Variants in SHANK2 observed in about 807,000 individuals in gnomAD.
SHANK2 encodes SH3 and multiple ankyrin repeat domains protein 2.
Under a neutral mutation model 133.7 loss-of-function variants are expected in SHANK2, and 43 were observed. That is an observed-to-expected ratio of 0.32 (90% confidence interval 0.25 to 0.41). The LOEUF (loss-of-function observed/expected upper bound fraction) is 0.41, where lower values mean the gene tolerates loss of function less well. SHANK2 is among the 10% of genes least tolerant of loss of function. SHANK2 has a pLI of 1.00. For synonymous variants in SHANK2, 1,017 were observed against 952.8 expected (o/e 1.07, Z -1.24); for missense variants, 1,994 against 2,235.8 (o/e 0.89, Z 2.18).
At chr11:70,774,875 T>C (rs1048919673) in intron 14 of SHANK2, among the ~76,000 whole-genome samples, 14 of 152,178 alleles carry the variant, frequency 9.2e-5, no homozygotes, top group Admixed American at 1.3e-4. Flanking sequence ...AATTTGATTT[T>C]AGGCCAGGTG....
At chr11:70,743,912 C>T (rs1946585250) in intron 14 of SHANK2, among the ~76,000 whole-genome samples, 1 of 152,180 alleles carries the variant, frequency 6.6e-6, no homozygotes. Context: ...CCCTGCCAAA[C>T]CCTCAGGGTC....
intron 14 of SHANK2, among the ~76,000 whole-genome samples, chr11:70,785,018 G>A (rs1591841995): frequency 2.6e-5 from 4 of 152,358 alleles, no homozygotes; most frequent in South Asian, 4.1e-4. Context: ...CTTCCCAGGA[G>A]GGCCATCTGC....
chr11:70,612,970 C>T (rs1414031365), intron 17 of SHANK2, among the ~76,000 whole-genome samples: 2 of 152,142 alleles, frequency 1.3e-5, no homozygotes, highest in East Asian at 1.9e-4. Flanking sequence ...TCACGGCATC[C>T]GGATCCTTTC....
At chr11:71,129,266 A>AG (rs1952249667) in intron 3 of SHANK2, among the ~76,000 whole-genome samples, 1 of 152,310 alleles carries the variant, frequency 6.6e-6, no homozygotes, top group South Asian at 2.1e-4. Flanking sequence ...GCTTGTACTC[A>AG]GTGGACTGTG....
At chr11:70,527,274 GGGTGT>G in intron 17 of SHANK2, among the ~76,000 whole-genome samples, 1 of 152,354 alleles carries the variant, frequency 6.6e-6, no homozygotes, top group South Asian at 2.1e-4. Context: ...CTCCTGGGGA[GGGTGT>G]GGTGCCGGCC....
At chr11:71,113,512 G>T in intron 4 of SHANK2, 148 bp from the exon 5 acceptor site, 1 of 688,050 alleles carries the variant, frequency 1.5e-6, no homozygotes, top group Non-Finnish European at 2.6e-6. Context: ...ACTGGTATTT[G>T]CACCCCAGAG....
At chr11:70,849,527 C>T (rs1424419092) in intron 11 of SHANK2, among the ~76,000 whole-genome samples, 4 of 152,122 alleles carry the variant, frequency 2.6e-5, no homozygotes, top group African/African-American at 9.7e-5. Flanking sequence ...ACCCCAGAGC[C>T]AACTGTACTA....
intron 1 of SHANK2, among the ~76,000 whole-genome samples, chr11:71,245,693 A>C (rs760976965): frequency 5.3e-5 from 8 of 152,230 alleles, no homozygotes; most frequent in Non-Finnish European, 1.2e-4. Flanking sequence ...ACTGGAGCTG[A>C]ATGACCCTCG....
chr11:70,725,316 T>C (rs1555030363), intron 14 of SHANK2, among the ~76,000 whole-genome samples: 3 of 152,256 alleles, frequency 2.0e-5, no homozygotes, highest in African/African-American at 7.2e-5. Flanking sequence ...GTGTCATATT[T>C]AAAATGAATC....
chr11:70,733,367 T>C (rs577131804), intron 14 of SHANK2, among the ~76,000 whole-genome samples: 5 of 152,330 alleles, frequency 3.3e-5, no homozygotes, highest in African/African-American at 1.2e-4. Flanking sequence ...GAATGTCTCA[T>C]TCAATGCACA....
intron 17 of SHANK2, among the ~76,000 whole-genome samples, chr11:70,573,352 C>T (rs1359195309): frequency 6.9e-6 from 1 of 144,538 alleles, no homozygotes; most frequent in Non-Finnish European, 1.5e-5. Flanking sequence ...AGCAAGCCGG[C>T]TGGTGGATGG....
chr11:70,592,028 G>A (rs564845018), intron 17 of SHANK2, among the ~76,000 whole-genome samples: 3 of 150,026 alleles, frequency 2.0e-5, no homozygotes, highest in Non-Finnish European at 4.4e-5. Context: ...GCGAGACTCC[G>A]TCTAAAAAAA....
intron 11 of SHANK2, among the ~76,000 whole-genome samples, chr11:70,871,074 G>C (rs1221560890): frequency 6.6e-6 from 1 of 152,120 alleles, no homozygotes; most frequent in Non-Finnish European, 1.5e-5. Flanking sequence ...CACTGCACCC[G>C]GTCCCATTTC....
intron 11 of SHANK2, among the ~76,000 whole-genome samples, chr11:70,878,409 T>A (rs528104677): frequency 1.3e-5 from 2 of 152,322 alleles, no homozygotes; most frequent in South Asian, 4.1e-4. Context: ...CAGGGCATCA[T>A]CACACGGGAA....
At position 71,094,553 on chromosome 11, in the gene SHANK2, T is replaced by C. The variant is rs902282241; in HGVS notation, c.728A>G (p.Asn243Ser). Residue 243 changes from asparagine to serine, a missense_variant, in exon 7 of 26, where the codon AAC becomes AGC. Physicochemically the swap from Asn to Ser is conservative, Grantham distance 46 (BLOSUM62 1). Coordinates refer to ENST00000601538, the MANE Select transcript of SHANK2 (RefSeq NM_012309.5). ...CGAGTTTACCTTCAGGGCAACTTGG[T>C]TCCTCGCTCGGGCAGCTTTGTGTAG... ...TALHKAARAR[N>S]QVALKTLLEL... The C allele has an allele frequency of 1.9e-6, 3 of 1,550,738 alleles. No individual in the cohort carries two copies. Among genetic ancestry groups the C allele is most frequent in the African/African-American group, 1.4e-5 (1 of 72,994 alleles).
intron 14 of SHANK2, among the ~76,000 whole-genome samples, chr11:70,789,822 G>A (rs1413508002): frequency 1.3e-5 from 2 of 152,236 alleles, no homozygotes; most frequent in African/African-American, 4.8e-5. Context: ...AAACAGGGAT[G>A]TACAGCGGTG....
chr11:70,655,295 C>T (rs568947283), intron 17 of SHANK2, among the ~76,000 whole-genome samples: 1 of 152,298 alleles, frequency 6.6e-6, no homozygotes, highest in Admixed American at 6.5e-5. Flanking sequence ...ACCTTTTGCC[C>T]ATTTATACAT....
At chr11:70,731,317 C>G (rs1946285394) in intron 14 of SHANK2, among the ~76,000 whole-genome samples, 2 of 152,174 alleles carry the variant, frequency 1.3e-5, no homozygotes, top group South Asian at 4.1e-4. Flanking sequence ...GACTTCCAGC[C>G]TCCAGAACAG....
At position 70,591,255 on chromosome 11, in the gene SHANK2, G is replaced by A. The variant is rs553047636; in HGVS notation, c.2061+68573C>T. 1.0e-3 allele frequency among the ~76,000 whole-genome samples: 158 copies of A among 152,242 alleles called. 1 individual carries two copies. The highest frequency in any genetic ancestry group is 3.5e-3 in the African/African-American group (146 of 41,530). On this transcript the variant is annotated intron_variant, in intron 17 of 25. Transcript: ENST00000601538. ...GGATCCCAGCTACTAGGGAGATTGA[G>A]GCAGGAGAATCGCTTGAATCTGGGA...
Sources: gnomAD v4.1 joint callset for allele counts (sites outside exome capture counted in the v4.1 genomes callset) on GRCh38, gnomAD v4.1.1 for gene constraint, MANE v1.5 for transcripts, NCBI Gene and HGNC (gene_info 2026-07-23, HGNC 2026-07-21) for gene names.